Variants in MYRIP observed in about 807,000 individuals in gnomAD.
The protein encoded by MYRIP is rab effector MyRIP.
Under a neutral mutation model 98.0 loss-of-function variants are expected in MYRIP, and 49 were observed. The observed-to-expected ratio is 0.50, with a 90% CI of 0.40 to 0.63. The LOEUF is 0.63. MYRIP is among the 30% of genes least tolerant of loss of function. MYRIP has a pLI of 0.00. For synonymous variants in MYRIP, 404 were observed against 409.5 expected (o/e 0.99, Z 0.16); for missense variants, 1,004 against 1,058.2 (o/e 0.95, Z 0.71).
chr3:39,847,777 G>T (rs1942011111), intron 1 of MYRIP, among the ~76,000 whole-genome samples: 1 of 152,130 alleles, frequency 6.6e-6, no homozygotes, highest in Non-Finnish European at 1.5e-5. Context: ...GAGCCTCTCT[G>T]GCTGGAGTTC....
intron 3 of MYRIP, among the ~76,000 whole-genome samples, chr3:40,098,507 T>C (rs1442381974): frequency 6.6e-6 from 1 of 152,182 alleles, no homozygotes; most frequent in African/African-American, 2.4e-5. Flanking sequence ...TCTATCTAAG[T>C]TCTACATAAA....
At chr3:39,923,451 A>G (rs1211324275) in intron 2 of MYRIP, among the ~76,000 whole-genome samples, 1 of 152,170 alleles carries the variant, frequency 6.6e-6, no homozygotes, top group African/African-American at 2.4e-5. Flanking sequence ...AGGGAAAACA[A>G]TAAGAATGAT....
Position 40,076,813 on chromosome 3 carries a change from A to G in MYRIP, c.332+32542A>G, listed in dbSNP as rs958055524. Among the ~76,000 whole-genome samples, 4 of 152,312 alleles carry G rather than the reference A, an allele frequency of 2.6e-5. No homozygotes were observed. In the Middle Eastern group the frequency reaches 0.01, roughly 389 times the overall value. The stretch of plus-strand genomic sequence containing the variant: ...GGCTCTGTGACATAAACCACGTGAA[A>G]GTATTACCTTACCCTCCCACGCAAA... On this transcript the variant is annotated intron_variant, in intron 3 of 16. Coordinates refer to ENST00000302541, the MANE Select transcript of MYRIP (RefSeq NM_015460.4).
At position 40,244,466 on chromosome 3, in the gene MYRIP, T is replaced by C. The variant is rs1374023794; in HGVS notation, c.2121T>C (p.Thr707=). ...TACAGGTATACCTGGCAGCAGGCAC[T>C]GTGTATGGACTGGAGACCCAGCTGA... ...LEENVYLAAG[T]VYGLETQLTE... is the part of the protein sequence containing the mutation. Residue 707 remains threonine (T), a synonymous_variant, in exon 13 of 17, where the codon ACT becomes ACC. Coordinates refer to ENST00000302541, the MANE Select transcript of MYRIP (RefSeq NM_015460.4). The C allele has an allele frequency of 6.2e-7, 1 of 1,613,030 alleles. No individual in the cohort carries two copies. The highest frequency in any genetic ancestry group is 8.5e-7 in the Non-Finnish European group (1 of 1,179,488).
chr3:39,877,056 T>C (rs929732041), intron 1 of MYRIP, among the ~76,000 whole-genome samples: 2 of 152,192 alleles, frequency 1.3e-5, no homozygotes, highest in Admixed American at 6.5e-5. Context: ...TATTCTTTTT[T>C]CTCTAAACTT....
At chr3:39,814,562 T>C (rs1940814706) in intron 1 of MYRIP, among the ~76,000 whole-genome samples, 1 of 152,196 alleles carries the variant, frequency 6.6e-6, no homozygotes. Flanking sequence ...TAGTTTACTA[T>C]TTTCTCACTT....
chr3:40,041,225 G>A (rs1266761335), intron 2 of MYRIP, among the ~76,000 whole-genome samples: 1 of 126,300 alleles, frequency 7.9e-6, no homozygotes, highest in Non-Finnish European at 1.7e-5. Flanking sequence ...TAATAACTGG[G>A]ACAAGACTAA....
At chr3:40,189,407 C>T (rs960905386) in intron 9 of MYRIP, among the ~76,000 whole-genome samples, 1 of 152,116 alleles carries the variant, frequency 6.6e-6, no homozygotes, top group Non-Finnish European at 1.5e-5. Context: ...GGAATTGTTT[C>T]CCATCAGTGA....
At chr3:40,211,854 A>G (rs1339220383) in intron 11 of MYRIP, among the ~76,000 whole-genome samples, 1 of 151,970 alleles carries the variant, frequency 6.6e-6, no homozygotes, top group Non-Finnish European at 1.5e-5. Context: ...TCCCCTGGGC[A>G]GAGTGTCAGC....
At chr3:39,833,265 A>G (rs940359363) in intron 1 of MYRIP, among the ~76,000 whole-genome samples, 1 of 152,212 alleles carries the variant, frequency 6.6e-6, no homozygotes, top group African/African-American at 2.4e-5. Flanking sequence ...ATAGCATGTA[A>G]TATCTTTCGC....
intron 1 of MYRIP, among the ~76,000 whole-genome samples, chr3:39,888,852 T>A (rs1195176659): frequency 2.0e-5 from 3 of 151,852 alleles, no homozygotes; most frequent in African/African-American, 7.3e-5. Context: ...AACAACCCCA[T>A]CAAAAAGTGG....
At chr3:39,908,971 A>T (rs889453686) in intron 2 of MYRIP, among the ~76,000 whole-genome samples, 2 of 152,192 alleles carry the variant, frequency 1.3e-5, no homozygotes, top group African/African-American at 4.8e-5. Flanking sequence ...TAACCTGCCC[A>T]GTTAATGAAT....
chr3:40,186,917 C>A (rs1350293127), intron 9 of MYRIP, among the ~76,000 whole-genome samples: 1 of 152,156 alleles, frequency 6.6e-6, no homozygotes, highest in African/African-American at 2.4e-5. Flanking sequence ...TCTCAAAAGA[C>A]CTGCTATTAC....
intron 2 of MYRIP, among the ~76,000 whole-genome samples, chr3:39,952,466 G>A (rs190557899): frequency 4.6e-5 from 7 of 151,964 alleles, no homozygotes; most frequent in East Asian, 3.9e-4. Context: ...TCACTAATAC[G>A]GTATATTACA....
chr3:39,922,347 C>T (rs1944324688), intron 2 of MYRIP, among the ~76,000 whole-genome samples: 1 of 152,170 alleles, frequency 6.6e-6, no homozygotes, highest in African/African-American at 2.4e-5. Context: ...CTGTGGCCTC[C>T]ACCCCTACCT....
At chr3:39,900,751 A>T in intron 1 of MYRIP, 36 bp from the exon 2 acceptor site, 1 of 1,151,164 alleles carries the variant, frequency 8.7e-7, no homozygotes, top group Non-Finnish European at 1.3e-6. Context: ...GTCCATGTAG[A>T]GATTTTATCT....
At chr3:40,212,104 G>A (rs13091712) in intron 11 of MYRIP, among the ~76,000 whole-genome samples, 11 of 131,612 alleles carry the variant, frequency 8.4e-5, no homozygotes, top group African/African-American at 2.9e-4. Context: ...ATGTGTGTGT[G>A]TATATATATA....
intron 3 of MYRIP, among the ~76,000 whole-genome samples, chr3:40,064,145 A>G (rs567915141): frequency 6.6e-6 from 1 of 152,236 alleles, no homozygotes; most frequent in East Asian, 1.9e-4. Flanking sequence ...TTAGGTGTCA[A>G]CATTCTCCAC....
chr3:39,903,872 C>G (rs1274883163), intron 2 of MYRIP, among the ~76,000 whole-genome samples: 4 of 152,180 alleles, frequency 2.6e-5, no homozygotes. Context: ...CTCTCCCTCC[C>G]TCCTTAAAAT....
Sources: allele counts gnomAD v4.1 joint callset (sites outside exome capture counted in the v4.1 genomes callset), GRCh38; gene constraint gnomAD v4.1.1; transcripts MANE v1.5; gene names NCBI Gene and HGNC (gene_info 2026-07-23, HGNC 2026-07-21).